Variants in ADAMTS7 observed in about 807,000 individuals in gnomAD.
ADAMTS7 encodes the protein ADAM metallopeptidase with thrombospondin type 1 motif 7.
Under a neutral mutation model 172.6 loss-of-function variants are expected in ADAMTS7, and 89 were observed. The observed-to-expected ratio is 0.52, with a 90% CI of 0.43 to 0.61. ADAMTS7 has a LOEUF of 0.61. Ranked by LOEUF, ADAMTS7 falls within the 20% of genes least tolerant of loss-of-function variation. The pLI, the probability that ADAMTS7 is intolerant of heterozygous loss-of-function variation, is 0.00. For synonymous variants in ADAMTS7, 885 were observed against 978.4 expected, an observed-to-expected ratio of 0.90 and a Z score of 1.78; for missense variants, 1,973 against 2,355.6, an observed-to-expected ratio of 0.84 and a Z score of 3.36.
intron 4 of ADAMTS7, among the ~76,000 whole-genome samples, chr15:78,794,427 C>G (rs1288961082): frequency 6.6e-6 from 1 of 152,168 alleles, no homozygotes; most frequent in African/African-American, 2.4e-5. Flanking sequence ...CCTGCCATCC[C>G]TGCAGCCTCC....
chr15:78,759,885 T>C (rs12438758), intron 23 of ADAMTS7, among the ~76,000 whole-genome samples: 42,004 of 151,494 alleles, frequency 0.28, 6,089 homozygotes, highest in East Asian at 0.41. Context: ...GGGCGACGCC[T>C]TGCCACCCCA....
intron 4 of ADAMTS7, among the ~76,000 whole-genome samples, chr15:78,792,826 A>AG (rs2055598573): frequency 6.6e-6 from 1 of 152,184 alleles, no homozygotes; most frequent in Admixed American, 6.5e-5. Flanking sequence ...AAAGAAAGAA[A>AG]GAAAGAAAGA....
Position 78,767,609 on chromosome 15 carries a change from G to C in ADAMTS7, c.2646-17C>G, listed in dbSNP as rs1476097288. On this transcript the variant is annotated splice_polypyrimidine_tract_variant and intron_variant, in intron 17 of 23. Coordinates refer to ENST00000388820, the MANE Select transcript of ADAMTS7 (RefSeq NM_014272.5). ...GCCCACCACCTGGCGAGGGCACACAGGTGGCATCAGTGTGGCATCAGACAG... is the reference window on the plus strand; with the variant it reads ...GCCCACCACCTGGCGAGGGCACACACGTGGCATCAGTGTGGCATCAGACAG... 1.3e-6 allele frequency: 2 copies of C among 1,526,080 alleles called. No individual in the cohort carries two copies. Among genetic ancestry groups the C allele is most frequent in the Non-Finnish European group, 1.8e-6 (2 of 1,133,648 alleles). 94.5% of individuals were successfully genotyped at this position (1,526,080 alleles called of 1,614,324 possible). A position where few individuals can be genotyped will look rare whatever the true frequency, so the allele number is the denominator to read the frequency against.
chr15:78,788,106 A>T, intron 8 of ADAMTS7, 125 bp downstream of exon 8: 3 of 1,306,248 alleles, frequency 2.3e-6, no homozygotes, highest in Non-Finnish European at 3.2e-6. Flanking sequence ...CCTTGACCTC[A>T]TGTATCAAGA....
At chr15:78,804,482 G>T (rs939575108) in intron 1 of ADAMTS7, among the ~76,000 whole-genome samples, 5 of 152,098 alleles carry the variant, frequency 3.3e-5, no homozygotes, top group Non-Finnish European at 7.3e-5. Flanking sequence ...CTTCAGGCTC[G>T]CATGAATGCC....
intron 6 of ADAMTS7, among the ~76,000 whole-genome samples, 175 bp downstream of exon 6, chr15:78,790,495 A>C (rs1422649179): frequency 6.6e-6 from 1 of 152,138 alleles, no homozygotes; most frequent in Non-Finnish European, 1.5e-5. Context: ...ATTATTTCAA[A>C]ATAAAAAGAC....
Position 78,802,388 on chromosome 15 carries a change from G to A in ADAMTS7, c.101-1841C>T, listed in dbSNP as rs1266476760. 5.3e-5 allele frequency among the ~76,000 whole-genome samples: 8 copies of A among 152,308 alleles called. No individual in the cohort carries two copies. In the East Asian group the frequency reaches 1.2e-3, roughly 22 times the overall value. On this transcript the variant is annotated intron_variant, in intron 1 of 23. Transcript: ENST00000388820. ...GATTTAAAAATGTGCTCTCAGATGC[G>A]TGAGCATTCTGCAAGTGTCTCCAGG...
At position 78,806,097 on chromosome 15, in the gene ADAMTS7, C is replaced by CACAA. The variant is rs1389985405; in HGVS notation, c.100+5023_100+5024insTTGT. 2.6e-4 allele frequency among the ~76,000 whole-genome samples: 3 copies of CACAA among 11,622 alleles called. No homozygotes were observed. In the Admixed American group the frequency reaches 4.8e-3, roughly 19 times the overall value. 7.6% of individuals were successfully genotyped at this position (11,622 alleles called of 152,430 possible). On this transcript the variant is annotated intron_variant, in intron 1 of 23. Transcript: ENST00000388820. ...TCTGACTCCCCCCCCCAAAAACACA[C>CACAA]ACACACACACACACACACACACACA...
Position 78,767,452 on chromosome 15 carries a change from C to G in ADAMTS7, c.2786G>C (p.Arg929Pro). The G allele has an allele frequency of 6.2e-7, 1 of 1,611,796 alleles. No homozygotes were observed. The highest frequency in any genetic ancestry group is 8.5e-7 in the Non-Finnish European group (1 of 1,179,800). The change falls in exon 18 of 24, where the codon CGG becomes CCG. Residue 929 changes from arginine (R) to proline (P), a missense_variant. By Grantham distance (103) the Arg-to-Pro change is moderately radical (BLOSUM62 -2). Coordinates refer to ENST00000388820, the MANE Select transcript of ADAMTS7 (RefSeq NM_014272.5). ...LEPPACEHLP[R>P]PPTETPCNRH... is the part of the protein sequence containing the mutation. ...GTTGCAAGGGGTTTCAGTAGGGGGC[C>G]GGGGAAGGTGTTCACAGGCGGGTGG...
At position 78,759,320 on chromosome 15, in the gene ADAMTS7, T is replaced by C; in HGVS notation, c.*101A>G. The C allele has an allele frequency of 1.7e-6, 2 of 1,181,850 alleles. No individual in the cohort carries two copies. The highest frequency in any genetic ancestry group is 1.8e-5 in the South Asian group (1 of 55,400). 73.2% of individuals were successfully genotyped at this position (1,181,850 alleles called of 1,614,324 possible). A position where few individuals can be genotyped will look rare whatever the true frequency, so the allele number is the denominator to read the frequency against. On this transcript the variant is annotated 3_prime_UTR_variant, in exon 24 of 24. Coordinates refer to ENST00000388820, the MANE Select transcript of ADAMTS7 (RefSeq NM_014272.5). ...AGGTCCCCAGCCTGCTGCTGGGTAG[T>C]GAGAGGGGGTTAGCACCATTAGGGC...
intron 7 of ADAMTS7, among the ~76,000 whole-genome samples, chr15:78,789,062 C>T (rs930017428): frequency 1.3e-5 from 2 of 152,246 alleles, no homozygotes; most frequent in Admixed American, 1.3e-4. Context: ...CCATCGCCTA[C>T]GAAACCCGGA....
chr15:78,791,110 C>T (rs1337961303), intron 5 of ADAMTS7, 30 bp downstream of exon 5: 8 of 1,602,824 alleles, frequency 5.0e-6, no homozygotes, highest in East Asian at 4.5e-5. Flanking sequence ...AAGCCATTGC[C>T]GGGCAGCGTG....
chr15:78,767,344 A>G (rs377035378), intron 18 of ADAMTS7, 35 bp downstream of exon 18: 10 of 1,607,088 alleles, frequency 6.2e-6, no homozygotes, highest in African/African-American at 2.7e-5. Flanking sequence ...CCAAGGGTGG[A>G]GCTGGAGGCG....
intron 8 of ADAMTS7, 37 bp downstream of exon 8, chr15:78,788,194 G>T: frequency 6.2e-7 from 1 of 1,609,656 alleles, no homozygotes; most frequent in South Asian, 1.1e-5. Context: ...TTGACCTCAT[G>T]GATCAAGGTA....
chr15:78,759,425 C>T lies in ADAMTS7; in HGVS notation c.5057G>A (p.Arg1686His), dbSNP rs373708006. 5.4e-5 allele frequency: 86 copies of T among 1,591,890 alleles called. No individual in the cohort carries two copies. Among genetic ancestry groups the T allele is most frequent in the Middle Eastern group, 2.3e-4 (1 of 4,404 alleles). Reference protein sequence around the residue: ...PSRGHQRVARR With the variant: ...PSRGHQRVARH Reference sequence around the variant, plus strand: ...GGTCTGTGCATCCTGGCGCAGTCAGCGGCGGGCAACCCGCTGATGGCCTCG... The same window carrying T: ...GGTCTGTGCATCCTGGCGCAGTCAGTGGCGGGCAACCCGCTGATGGCCTCG... The change falls in exon 24 of 24, where the codon CGC becomes CAC. Residue 1686 changes from arginine to histidine, a missense_variant. Arg to His is a conservative substitution (Grantham distance 29). Around this residue, in one of 8 missense-constraint regions of ADAMTS7, gnomAD observed 94 missense variants for 95.4 expected, o/e 0.99. Coordinates refer to ENST00000388820, the MANE Select transcript of ADAMTS7 (RefSeq NM_014272.5).
intron 1 of ADAMTS7, among the ~76,000 whole-genome samples, chr15:78,801,556 T>C (rs2055725990): frequency 6.6e-6 from 1 of 152,216 alleles, no homozygotes; most frequent in Admixed American, 6.5e-5. Context: ...TTCCTTGCTT[T>C]ATTTTTCCCC....
Position 78,811,266 on chromosome 15 carries a change from G to C in ADAMTS7, c.-46C>G. 8.2e-7 allele frequency: 1 copy of C among 1,221,600 alleles called. No homozygotes were observed. The allele number at this position is 1,221,600 out of a possible 1,614,324, so 75.7% of individuals were successfully genotyped here. On this transcript the variant is annotated 5_prime_UTR_variant, in exon 1 of 24. Transcript: ENST00000388820. Reference sequence around the variant, plus strand: ...CGGGTGACCCCGCGCGCACGCTCTCGTCCGTCCCGTCCGGTCGCTGCCTGG... The same window carrying C: ...CGGGTGACCCCGCGCGCACGCTCTCCTCCGTCCCGTCCGGTCGCTGCCTGG...
rs2055865115 is a variant in ADAMTS7, at chr15:78,811,365, C to A, written c.-145G>T. The stretch of plus-strand genomic sequence containing the variant: ...ACCCGGCCCCGACTCCGTTCGGCTG[C>A]GCTCGGTCCGCGGGCAACAAAGGCT... On this transcript the variant is annotated 5_prime_UTR_variant, in exon 1 of 24. Transcript: ENST00000388820. 1 of 1,021,812 alleles carries A rather than the reference C, an allele frequency of 9.8e-7. No individual in the cohort carries two copies. Among genetic ancestry groups the A allele is most frequent in the Non-Finnish European group, 1.2e-6 (1 of 801,910 alleles). 63.3% of individuals were successfully genotyped at this position (1,021,812 alleles called of 1,614,324 possible).
rs2055162002 is a variant in ADAMTS7, at chr15:78,766,762, G to A, written c.3149C>T (p.Pro1050Leu). The A allele has an allele frequency of 6.2e-7, 1 of 1,610,600 alleles. No individual in the cohort carries two copies. Among genetic ancestry groups the A allele is most frequent in the Non-Finnish European group, 8.5e-7 (1 of 1,179,830 alleles). Reference protein sequence around the residue: ...TMGNAIEEEAPELDLPGPVFV... With the variant: ...TMGNAIEEEALELDLPGPVFV... ...CACGGGCCCCGGCAGGTCCAGCTCT[G>A]GAGCCTCCTCCTCAATGGCGTTGCC... is the stretch of plus-strand genomic sequence containing the variant. Residue 1050 changes from proline to leucine, a missense_variant, in exon 19 of 24, where the codon CCA (proline) becomes CTA (leucine). This residue lies in a region of ADAMTS7 where 771 missense variants were observed against 952.6 expected (regional missense o/e 0.81). Coordinates refer to ENST00000388820, the MANE Select transcript of ADAMTS7 (RefSeq NM_014272.5).
Sources: gnomAD v4.1 joint callset for allele counts (sites outside exome capture counted in the v4.1 genomes callset) on GRCh38, gnomAD v4.1.1 for gene constraint, gnomAD v4.1.1 regional missense constraint, MANE v1.5 for transcripts, NCBI Gene and HGNC (gene_info 2026-07-23, HGNC 2026-07-21) for gene names.